The following TUT7 variants were observed in gnomAD, a reference collection of about 807,000 sequenced individuals.
TUT7 encodes terminal uridylyl transferase 7, also known as terminal uridylyltransferase 7.
A neutral mutation model predicts 165.9 loss-of-function variants in TUT7; 33 were observed. That is an observed-to-expected ratio of 0.20 (90% CI 0.15 to 0.27). TUT7 has a LOEUF of 0.27. Ranked by LOEUF, TUT7 falls within the 10% of genes least tolerant of loss-of-function variation. The pLI is 1.00. For missense variants in TUT7, 1,338 were observed against 1,762.3 expected (o/e 0.76, Z 4.31); for synonymous variants, 552 against 608.1 (o/e 0.91, Z 1.36).
chr9:86,346,843 C>T (rs1280422313), intron 2 of TUT7, among the ~76,000 whole-genome samples: 1 of 152,086 alleles, frequency 6.6e-6, no homozygotes, highest in East Asian at 1.9e-4. Flanking sequence ...TATTACAATA[C>T]ATATTGTAAA....
intron 26 of TUT7, among the ~76,000 whole-genome samples, chr9:86,297,921 C>CTTTTTTTTTTTTTTTTTTTTTTTTTT (rs59651352): frequency 2.3e-5 from 2 of 86,496 alleles, no homozygotes; most frequent in Non-Finnish European, 2.0e-5. Flanking sequence ...GCCTGCTCCA[C>CTTTTTTTTTTTTTTTTTTTTTTTTTT]TTTTTTTTTT....
intron 10 of TUT7, among the ~76,000 whole-genome samples, chr9:86,335,593 T>C (rs1428193653): frequency 1.3e-5 from 2 of 152,220 alleles, no homozygotes; most frequent in Non-Finnish European, 2.9e-5. Flanking sequence ...CAGGCACTAC[T>C]ACAATGACTA....
intron 22 of TUT7, among the ~76,000 whole-genome samples, chr9:86,305,602 C>T (rs1239093556): frequency 6.6e-6 from 1 of 152,112 alleles, no homozygotes; most frequent in East Asian, 1.9e-4. Context: ...ACACATTAGC[C>T]TGATATTACT....
chr9:86,346,094 A>G (rs2131595503), intron 3 of TUT7, among the ~76,000 whole-genome samples: 1 of 152,244 alleles, frequency 6.6e-6, no homozygotes, highest in Admixed American at 6.5e-5. Context: ...TCCCTTTATC[A>G]CTACCCTAAC....
rs1828129797 is a variant in TUT7, at chr9:86,311,931, G to A, written c.3275-1122C>T. 2.0e-5 allele frequency among the ~76,000 whole-genome samples: 3 copies of A among 152,314 alleles called. No homozygotes were observed. Among genetic ancestry groups the A allele is most frequent in the South Asian group, 4.1e-4 (2 of 4,830 alleles). ...TCTCGTTCACTCAGTGCTCAATGGT[G>A]CCCAGGCTGGAGTGCAGTGGCGTGA... is the stretch of plus-strand genomic sequence containing the variant. On this transcript the variant is annotated intron_variant, in intron 17 of 26. Transcript: ENST00000375963. The surrounding 1 kb of genome is among the most constrained non-coding windows in gnomAD (Gnocchi z 4.4).
chr9:86,308,329 C>T, intron 22 of TUT7, 100 bp downstream of exon 22: 1 of 1,086,896 alleles, frequency 9.2e-7, no homozygotes, highest in Non-Finnish European at 1.3e-6. Flanking sequence ...GGGCACTGCA[C>T]ACCCCAAGCA....
chr9:86,353,498 C>T (rs535993604), intron 1 of TUT7, among the ~76,000 whole-genome samples: 3 of 152,128 alleles, frequency 2.0e-5, no homozygotes, highest in African/African-American at 7.2e-5. Context: ...TCTATAGGTT[C>T]CAGAACTGTA....
At chr9:86,297,050 T>C (rs1587848560) in intron 26 of TUT7, among the ~76,000 whole-genome samples, 2 of 152,362 alleles carry the variant, frequency 1.3e-5, no homozygotes, top group Non-Finnish European at 2.9e-5. Flanking sequence ...TTAATACTTT[T>C]TTTCCAGTTG....
chr9:86,293,366 C>T (rs995145539), intron 26 of TUT7, among the ~76,000 whole-genome samples: 2 of 151,940 alleles, frequency 1.3e-5, no homozygotes, highest in East Asian at 3.9e-4. Context: ...ATGGGAGGAT[C>T]GCTTGAGAGT....
rs777792544 is a variant in TUT7 at position 86,338,910 on chromosome 9, A to T, written c.1248T>A (p.Ala416=). The T allele has an allele frequency of 6.8e-6, 11 of 1,612,218 alleles. No individual in the cohort carries two copies. In the South Asian group the frequency reaches 1.2e-4, roughly 18 times the overall value. ...CAGTTAAATGCTTTGTTGTCAGACA[A>T]GCATTTTCATTTCCTGCGCTCACTT... ...LCKVSAGNEN[A]CLTTKHLTAL... Residue 416 remains alanine (A), a synonymous_variant, in exon 9 of 27, where the codon GCT becomes GCA. Coordinates refer to ENST00000375963, the MANE Select transcript of TUT7 (RefSeq NM_024617.4).
chr9:86,304,983 A>T, intron 23 of TUT7, 36 bp from the exon 24 acceptor site: 1 of 1,454,414 alleles, frequency 6.9e-7, no homozygotes. Context: ...TAGGCGGGTT[A>T]AAAGGAAAAG....
chr9:86,344,080 G>A (rs530452820), intron 5 of TUT7, among the ~76,000 whole-genome samples: 25 of 152,254 alleles, frequency 1.6e-4, no homozygotes, highest in Non-Finnish European at 3.4e-4. Flanking sequence ...GAAAGTATAT[G>A]CGTTACAAAT....
chr9:86,338,184 T>C (rs1269916108), intron 9 of TUT7, among the ~76,000 whole-genome samples: 1 of 152,028 alleles, frequency 6.6e-6, no homozygotes, highest in Middle Eastern at 3.2e-3. Flanking sequence ...CTTTTGATTT[T>C]CTCTAAAAGC....
At chr9:86,342,933 C>A in intron 6 of TUT7, 142 bp downstream of exon 6, 2 of 550,306 alleles carry the variant, frequency 3.6e-6, no homozygotes, top group Non-Finnish European at 6.2e-6. Context: ...AAAAAAAAAG[C>A]TCTGAAACTG....
chr9:86,296,095 G>A (rs573722411), intron 26 of TUT7, among the ~76,000 whole-genome samples: 2 of 152,252 alleles, frequency 1.3e-5, no homozygotes, highest in East Asian at 3.9e-4. Flanking sequence ...ATTACAGCAA[G>A]TGTTTGTTAA....
At chr9:86,345,302 T>C (rs1451137754) in intron 4 of TUT7, 148 bp from the exon 5 acceptor site, 9 of 715,206 alleles carry the variant, frequency 1.3e-5, no homozygotes, top group Non-Finnish European at 2.0e-5. Flanking sequence ...ATCAAACATA[T>C]ACATACTTCC....
At chr9:86,341,457 C>G (rs1043325913) in intron 6 of TUT7, among the ~76,000 whole-genome samples, 1 of 152,174 alleles carries the variant, frequency 6.6e-6, no homozygotes, top group Non-Finnish European at 1.5e-5. Flanking sequence ...CGCAATGGAG[C>G]CAGGGCCATT....
intron 26 of TUT7, among the ~76,000 whole-genome samples, chr9:86,291,396 C>A (rs2131252202): frequency 6.6e-6 from 1 of 152,078 alleles, no homozygotes; most frequent in Non-Finnish European, 1.5e-5. Context: ...CATGGTGAAA[C>A]CCTGTCTCTA....
chr9:86,336,243 C>T (rs1344423164), intron 10 of TUT7, among the ~76,000 whole-genome samples: 1 of 152,130 alleles, frequency 6.6e-6, no homozygotes, highest in African/African-American at 2.4e-5. Flanking sequence ...AGGAAAACTT[C>T]AAAGACTTTC....
Sources: gnomAD v4.1 joint callset for allele counts (sites outside exome capture counted in the v4.1 genomes callset) on GRCh38, gnomAD v4.1.1 for gene constraint, Gnocchi (gnomAD v3.1) non-coding constraint, MANE v1.5 for transcripts, NCBI Gene and HGNC (gene_info 2026-07-23, HGNC 2026-07-21) for gene names.